RARB: variants seen among roughly 807,000 people sequenced by gnomAD.
RARB encodes the protein retinoic acid receptor beta, also known as HBV-activated protein.
Under a neutral mutation model 51.9 loss-of-function variants are expected in RARB, and 17 were observed. That is an observed-to-expected ratio of 0.33 (90% CI 0.22 to 0.49). RARB has a LOEUF of 0.49. Among genes scored for constraint, RARB ranks in the 20% least tolerant of loss-of-function variants. The pLI is 0.99. For synonymous variants in RARB, 215 were observed against 195.4 expected (o/e 1.10, Z -0.84); for missense variants, 369 against 550.8 (o/e 0.67, Z 3.30).
intron 4 of RARB, among the ~76,000 whole-genome samples, chr3:25,160,201 G>T (rs1444380461): frequency 2.0e-5 from 3 of 152,220 alleles, no homozygotes; most frequent in African/African-American, 7.2e-5. Context: ...TTTCAGGACA[G>T]CTCTAAGGCT....
chr3:25,084,181 ACTC>A (rs1425299870), intron 3 of RARB, among the ~76,000 whole-genome samples: 3 of 150,796 alleles, frequency 2.0e-5, no homozygotes, highest in African/African-American at 7.3e-5. Context: ...GTTCCAGTTG[ACTC>A]CTCCTCTTCT....
chr3:25,127,456 T>G (rs1699879153), intron 3 of RARB, among the ~76,000 whole-genome samples: 1 of 152,194 alleles, frequency 6.6e-6, no homozygotes, highest in Admixed American at 6.5e-5. Context: ...CTTTGTAAAT[T>G]AGCTGTGTCC....
intron 5 of RARB, among the ~76,000 whole-genome samples, chr3:25,391,601 T>C (rs533798804): frequency 6.7e-6 from 1 of 149,912 alleles, no homozygotes; most frequent in South Asian, 2.1e-4. Flanking sequence ...AGTAAGATGG[T>C]ATCACATTGA....
intron 2 of RARB, among the ~76,000 whole-genome samples, chr3:25,054,738 A>G (rs1477254536): frequency 6.6e-6 from 1 of 152,160 alleles, no homozygotes; most frequent in African/African-American, 2.4e-5. Context: ...GTGTCTACCT[A>G]GCTGTTTTGC....
chr3:25,417,351 G>A (rs1707731471), intron 5 of RARB, among the ~76,000 whole-genome samples: 1 of 152,034 alleles, frequency 6.6e-6, no homozygotes, highest in Non-Finnish European at 1.5e-5. Context: ...AAGAAAAGTA[G>A]GTCAGTGATA....
intron 5 of RARB, among the ~76,000 whole-genome samples, chr3:25,207,595 T>C (rs1285471139): frequency 1.3e-5 from 2 of 152,242 alleles, no homozygotes; most frequent in Non-Finnish European, 2.9e-5. Context: ...ATTTTTTCTA[T>C]ACTAAATGTT....
intron 4 of RARB, among the ~76,000 whole-genome samples, chr3:25,135,359 A>G (rs1405921974): frequency 6.6e-6 from 1 of 152,002 alleles, no homozygotes; most frequent in Non-Finnish European, 1.5e-5. Flanking sequence ...AGCGTCCTTC[A>G]TATTACTTCT....
intron 2 of RARB, among the ~76,000 whole-genome samples, chr3:24,881,393 G>C (rs116695205): frequency 0.024 from 3,589 of 152,270 alleles, 81 homozygotes; most frequent in Middle Eastern, 0.065. Context: ...GGGAGTCCAA[G>C]ATCTGGTACA....
intron 5 of RARB, among the ~76,000 whole-genome samples, chr3:25,585,034 G>A (rs970173586): frequency 2.0e-5 from 3 of 151,908 alleles, no homozygotes; most frequent in African/African-American, 4.8e-5. Flanking sequence ...TTGAATGTGG[G>A]CTCTGAAACT....
chr3:25,152,403 G>T (rs1168422127), intron 4 of RARB, among the ~76,000 whole-genome samples: 3 of 152,082 alleles, frequency 2.0e-5, no homozygotes, highest in African/African-American at 7.2e-5. Flanking sequence ...TTCTTCTTGG[G>T]TCCAAAGAGG....
chr3:25,482,394 G>C (rs768080871), intron 2 of RARB, among the ~76,000 whole-genome samples: 2 of 152,000 alleles, frequency 1.3e-5, no homozygotes, highest in Non-Finnish European at 2.9e-5. Flanking sequence ...CAATAGCAGA[G>C]CATGTACTCA....
At chr3:24,883,846 G>T (rs188421850) in intron 2 of RARB, among the ~76,000 whole-genome samples, 7 of 152,062 alleles carry the variant, frequency 4.6e-5, no homozygotes, top group African/African-American at 1.7e-4. Context: ...TGATTCTTGC[G>T]TAAGTTGCTA....
intron 2 of RARB, among the ~76,000 whole-genome samples, chr3:24,878,210 ATTT>A (rs58436769): frequency 0.063 from 9,239 of 146,232 alleles, 571 homozygotes; most frequent in East Asian, 0.24. Context: ...TAGCCAAACC[ATTT>A]TTTTTTTTTT....
intron 5 of RARB, among the ~76,000 whole-genome samples, chr3:25,196,150 C>A (rs79492456): frequency 6.6e-6 from 1 of 151,920 alleles, no homozygotes; most frequent in Non-Finnish European, 1.5e-5. Flanking sequence ...ATACATGTGC[C>A]ATGTTGGTGT....
chr3:24,954,801 T>A (rs899417009), intron 2 of RARB, among the ~76,000 whole-genome samples: 3 of 152,112 alleles, frequency 2.0e-5, no homozygotes, highest in Admixed American at 1.3e-4. Context: ...GACTCCCTCA[T>A]AAGACTTGCA....
At chr3:25,526,192 G>A (rs1698638020) in intron 3 of RARB, among the ~76,000 whole-genome samples, 1 of 152,148 alleles carries the variant, frequency 6.6e-6, no homozygotes, top group South Asian at 2.1e-4. Flanking sequence ...AAGTTTCCTG[G>A]GCTGGAATAA....
chr3:25,264,465 G>T (rs1369086396), intron 5 of RARB, among the ~76,000 whole-genome samples: 1 of 152,104 alleles, frequency 6.6e-6, no homozygotes, highest in East Asian at 1.9e-4. Context: ...GTTTTCTGTT[G>T]TTGGATCTTC....
At chr3:25,043,997 G>C (rs1698163998) in intron 2 of RARB, among the ~76,000 whole-genome samples, 1 of 151,838 alleles carries the variant, frequency 6.6e-6, no homozygotes, top group Admixed American at 6.6e-5. Flanking sequence ...CTGGTGGATT[G>C]AGGCTCTGCA....
intron 5 of RARB, among the ~76,000 whole-genome samples, chr3:25,186,179 A>G (rs530592061): frequency 6.6e-5 from 10 of 152,216 alleles, no homozygotes; most frequent in African/African-American, 2.2e-4. Flanking sequence ...ATTTCACTAA[A>G]AAGAAATTCA....
Sources: allele counts gnomAD v4.1 joint callset (sites outside exome capture counted in the v4.1 genomes callset), GRCh38; gene constraint gnomAD v4.1.1; transcripts MANE v1.5; gene names NCBI Gene and HGNC (gene_info 2026-07-23, HGNC 2026-07-21).